Variants in ANKRD30B observed in about 807,000 individuals in gnomAD.
ANKRD30B encodes the protein ankyrin repeat domain-containing protein 30B.
ANKRD30B carries 144 observed loss-of-function variants against 202.2 expected under a neutral mutation model. That is an observed-to-expected ratio of 0.71 (90% CI 0.62 to 0.82). The LOEUF (loss-of-function observed/expected upper bound fraction) is 0.82, where lower values mean the gene tolerates loss of function less well. Among genes scored for constraint, ANKRD30B ranks in the 40% least tolerant of loss-of-function variants. ANKRD30B has a pLI of 0.00. For missense variants in ANKRD30B, 1,487 were observed against 1,669.1 expected (o/e 0.89, Z 1.90); for synonymous variants, 508 against 561.3 (o/e 0.91, Z 1.34).
the ANKRD30B span, among the ~76,000 whole-genome samples, chr18:14,900,990 C>A: frequency 7.9e-5 from 12 of 152,084 alleles, no homozygotes; most frequent in African/African-American, 2.7e-4. Context: ...AACTAATGCA[C>A]CCCAATTTCA....
At chr18:14,792,214 T>A (rs1245103158) in intron 16 of ANKRD30B, among the ~76,000 whole-genome samples, 1 of 152,314 alleles carries the variant, frequency 6.6e-6, no homozygotes, top group African/African-American at 2.4e-5. Flanking sequence ...GGTGATGCTA[T>A]TGCTGGTGGT....
intron 26 of ANKRD30B, among the ~76,000 whole-genome samples, chr18:14,809,473 G>T (rs1228615916): frequency 1.3e-5 from 2 of 150,702 alleles, no homozygotes; most frequent in Non-Finnish European, 3.0e-5. Flanking sequence ...CCCTAAAGAG[G>T]CCTAGAAGAG....
Position 14,782,631 on chromosome 18 carries a change from A to C in ANKRD30B, c.1570+17A>C. 6.6e-7 allele frequency: 1 copy of C among 1,511,312 alleles called. No individual in the cohort carries two copies. Among genetic ancestry groups the C allele is most frequent in the Non-Finnish European group, 8.9e-7 (1 of 1,117,900 alleles). The allele number at this position is 1,511,312 out of a possible 1,614,324, so 93.6% of individuals were successfully genotyped here. On this transcript the variant is annotated intron_variant, in intron 12 of 43. Coordinates refer to ENST00000690538, the MANE Select transcript of ANKRD30B (RefSeq NM_001367607.2). ...AAGTAGAAGGTAAGAACAACTTTTT[A>C]TTTGAAAAGTCTTTTAACCATATGT...
the ANKRD30B span, among the ~76,000 whole-genome samples, chr18:14,879,642 C>A: frequency 1.5e-4 from 22 of 150,106 alleles, no homozygotes; most frequent in African/African-American, 4.9e-4. Context: ...TAGGAGTCAA[C>A]GTTTAGAGTT....
the ANKRD30B span, among the ~76,000 whole-genome samples, chr18:14,913,600 G>A: frequency 5.9e-5 from 9 of 152,164 alleles, no homozygotes; most frequent in African/African-American, 1.7e-4. Context: ...GGCTTATTAC[G>A]TGGCAAGCCC....
intron 3 of ANKRD30B, 78 bp from the exon 4 acceptor site, chr18:14,754,821 A>G: frequency 1.0e-6 from 1 of 967,482 alleles, no homozygotes; most frequent in Non-Finnish European, 1.4e-6. Context: ...TTAAGTTAAT[A>G]GGATATAATA....
chr18:14,916,140 G>C, the ANKRD30B span, among the ~76,000 whole-genome samples: 2 of 152,168 alleles, frequency 1.3e-5, no homozygotes. Context: ...GCTGCTGTGG[G>C]CCTCAGCCAA....
At chr18:14,869,158 G>A in the ANKRD30B span, among the ~76,000 whole-genome samples, 2 of 152,212 alleles carry the variant, frequency 1.3e-5, no homozygotes, top group South Asian at 2.1e-4. Flanking sequence ...GAAGAGATGA[G>A]CTTACCTGGG....
chr18:14,847,623 A>G (rs1971706495), intron 39 of ANKRD30B, among the ~76,000 whole-genome samples: 3 of 149,130 alleles, frequency 2.0e-5, no homozygotes, highest in African/African-American at 2.5e-5. Context: ...AGTATCTTCT[A>G]TTGCTTTACT....
rs760939525 is a variant in ANKRD30B at position 14,763,787 on chromosome 18, C to T, written c.922C>T (p.Arg308Cys). The change falls in exon 7 of 44, where the codon CGC becomes TGC. Residue 308 changes from arginine to cysteine, a missense_variant. Arg to Cys is a radical substitution (Grantham distance 180). This residue lies in a region of ANKRD30B where 889 missense variants were observed against 841.4 expected (regional missense o/e 1.06). Coordinates refer to ENST00000690538, the MANE Select transcript of ANKRD30B (RefSeq NM_001367607.2). ...LLEKTPDEAA[R>C]LVEGTSAKIQ... Reference sequence around the variant, plus strand: ...GGAAAAAACACCTGACGAGGCTGCACGCTTGGTGGAGGGAACGTCTGCCAA... The same window carrying T: ...GGAAAAAACACCTGACGAGGCTGCATGCTTGGTGGAGGGAACGTCTGCCAA... 8.6e-5 allele frequency: 138 copies of T among 1,613,832 alleles called. No homozygotes were observed. Among genetic ancestry groups the T allele is most frequent in the Middle Eastern group, 1.6e-4 (1 of 6,082 alleles).
chr18:14,811,385 G>C (rs935548400), intron 28 of ANKRD30B, among the ~76,000 whole-genome samples: 1 of 150,720 alleles, frequency 6.6e-6, no homozygotes, highest in African/African-American at 2.4e-5. Flanking sequence ...CTCATTCTTT[G>C]TATTTTTAGT....
chr18:14,917,773 C>A, the ANKRD30B span, among the ~76,000 whole-genome samples: 115 of 152,332 alleles, frequency 7.5e-4, no homozygotes, highest in Middle Eastern at 3.4e-3. Context: ...TCTGCCAAGG[C>A]TCCTGCCAGT....
chr18:14,864,017 C>T, the ANKRD30B span, among the ~76,000 whole-genome samples: 1 of 152,084 alleles, frequency 6.6e-6, no homozygotes, highest in African/African-American at 2.4e-5. Context: ...ATATGATTAT[C>T]TCAATAGATG....
chr18:14,787,477 A>G (rs1010901216), intron 15 of ANKRD30B, among the ~76,000 whole-genome samples: 9 of 152,190 alleles, frequency 5.9e-5, no homozygotes, highest in African/African-American at 2.4e-5. Flanking sequence ...AACTGGATTC[A>G]TGGAGAGACA....
the ANKRD30B span, among the ~76,000 whole-genome samples, chr18:14,893,638 T>G: frequency 6.6e-6 from 1 of 151,938 alleles, no homozygotes; most frequent in African/African-American, 2.4e-5. Context: ...GTATTAACTA[T>G]GAAATCCTAC....
At chr18:14,867,042 CG>C in the ANKRD30B span, among the ~76,000 whole-genome samples, 1 of 74,466 alleles carries the variant, frequency 1.3e-5, no homozygotes, top group African/African-American at 5.3e-5. Flanking sequence ...AAGGTGGGGT[CG>C]GGGGGTTGGT....
the ANKRD30B span, among the ~76,000 whole-genome samples, chr18:14,905,030 G>A: frequency 4.6e-5 from 7 of 152,314 alleles, no homozygotes; most frequent in South Asian, 1.2e-3. Flanking sequence ...CGAAAACCAA[G>A]ATGGCAACGA....
At chr18:14,909,798 G>A in the ANKRD30B span, 1 of 152,248 alleles carries the variant, frequency 6.6e-6, no homozygotes, top group East Asian at 1.9e-4. Context: ...TTCTAGAAGT[G>A]GTGGCTGGGT....
intron 7 of ANKRD30B, among the ~76,000 whole-genome samples, chr18:14,767,125 T>G (rs1308621210): frequency 6.6e-6 from 1 of 152,218 alleles, no homozygotes; most frequent in African/African-American, 2.4e-5. Flanking sequence ...TTTTCCAGAA[T>G]TGTCAAAACC....
Sources: allele counts gnomAD v4.1 joint callset (sites outside exome capture counted in the v4.1 genomes callset), GRCh38; gene constraint gnomAD v4.1.1; regional missense constraint gnomAD v4.1.1; transcripts MANE v1.5; gene names NCBI Gene and HGNC (gene_info 2026-07-23, HGNC 2026-07-21).